LHX4: variants seen among roughly 807,000 people sequenced by gnomAD.
LHX4 encodes LIM homeobox 4, also known as LIM/homeobox protein Lhx4.
Under a neutral mutation model 39.2 loss-of-function variants are expected in LHX4, and 16 were observed. The ratio of observed to expected loss-of-function variants is 0.41; its 90% CI spans 0.28 to 0.62. The LOEUF is 0.62. LHX4 is among the 20% of genes least tolerant of loss of function. The pLI, the probability that LHX4 is intolerant of heterozygous loss-of-function variation, is 0.33. For missense variants in LHX4, 439 were observed against 511.9 expected, an observed-to-expected ratio of 0.86 and a Z score of 1.37; for synonymous variants, 206 against 198.1, an observed-to-expected ratio of 1.04 and a Z score of -0.33.
intron 2 of LHX4, among the ~76,000 whole-genome samples, chr1:180,256,359 A>G (rs990802426): frequency 5.3e-5 from 8 of 152,078 alleles, no homozygotes; most frequent in Non-Finnish European, 1.2e-4. Context: ...GCCAGTGTCT[A>G]GTTTGTCACT....
At chr1:180,233,571 C>T (rs998430335) in intron 1 of LHX4, among the ~76,000 whole-genome samples, 2 of 152,258 alleles carry the variant, frequency 1.3e-5, no homozygotes, top group African/African-American at 4.8e-5. Context: ...GCGTCGGGGC[C>T]CTGCTGGCCG....
Position 180,234,791 on chromosome 1 carries a change from C to T in LHX4, c.76+4186C>T, listed in dbSNP as rs1323640736. Among the ~76,000 whole-genome samples, 1 of 152,228 alleles carries T rather than the reference C, an allele frequency of 6.6e-6. No homozygotes were observed. On this transcript the variant is annotated intron_variant, in intron 1 of 5. Coordinates refer to ENST00000263726, the MANE Select transcript of LHX4 (RefSeq NM_033343.4). This position sits in a 1 kb window ranked among gnomAD's most constrained non-coding sequence, Gnocchi z 4.8. ...TCCTCTCTTGGCCGAGGTCCGGGCT[C>T]GTGGAAAACCAGAGCTAGGCGGGGC...
rs577959960 is a variant in LHX4, at chr1:180,235,094, C to A, written c.76+4489C>A. 3.3e-5 allele frequency among the ~76,000 whole-genome samples: 5 copies of A among 152,366 alleles called. No individual in the cohort carries two copies. In the South Asian group the frequency reaches 1.0e-3, roughly 32 times the overall value. On this transcript the variant is annotated intron_variant, in intron 1 of 5. Transcript: ENST00000263726. ...GGGCGGCCGGCCCTTCGCGGGTAGC[C>A]GGCTTTGCGCTTACTGCGTCCCGCA... is the stretch of plus-strand genomic sequence containing the variant.
At chr1:180,257,146 G>C (rs1473315881) in intron 2 of LHX4, among the ~76,000 whole-genome samples, 1 of 152,180 alleles carries the variant, frequency 6.6e-6, no homozygotes, top group African/African-American at 2.4e-5. Flanking sequence ...ATGGACGGGA[G>C]AGTTGGGCTC....
In LHX4 at chr1:180,266,690, A is replaced by G. The variant is rs1303642839; in HGVS notation, c.451+96A>G. ...CCTTCTCATGGCGTCCCACCTGCCCATCCCTCAGAGCCCTACTCATGCACC... is the reference window on the plus strand; with the variant it reads ...CCTTCTCATGGCGTCCCACCTGCCCGTCCCTCAGAGCCCTACTCATGCACC... On this transcript the variant is annotated intron_variant, in intron 3 of 5. Coordinates refer to ENST00000263726, the MANE Select transcript of LHX4 (RefSeq NM_033343.4). This position sits in a 1 kb window ranked among gnomAD's most constrained non-coding sequence, Gnocchi z 5.7. 8.3e-7 allele frequency: 1 copy of G among 1,209,176 alleles called. No homozygotes were observed. The highest frequency in any genetic ancestry group is 1.5e-5 in the African/African-American group (1 of 66,406). 74.9% of individuals were successfully genotyped at this position (1,209,176 alleles called of 1,614,324 possible). A position where few individuals can be genotyped will look rare whatever the true frequency, so the allele number is the denominator to read the frequency against.
At chr1:180,269,522 G>A (rs920226599) in intron 3 of LHX4, 1 of 152,288 alleles carries the variant, frequency 6.6e-6, no homozygotes, top group Middle Eastern at 3.4e-3. Context: ...TAGCAGTGCC[G>A]AACCAGCGGG....
chr1:180,241,873 AG>A (rs1229562532), intron 1 of LHX4, among the ~76,000 whole-genome samples: 3 of 151,912 alleles, frequency 2.0e-5, no homozygotes, highest in Non-Finnish European at 4.4e-5. Flanking sequence ...ACTGGAATGC[AG>A]TAGTGCAATC....
chr1:180,249,819 T>TC (rs1647529613), intron 2 of LHX4, among the ~76,000 whole-genome samples: 1 of 152,132 alleles, frequency 6.6e-6, no homozygotes, highest in South Asian at 2.1e-4. Context: ...GTGCAGAGGG[T>TC]GCACTCACTG....
At chr1:180,237,784 A>G (rs1351257573) in intron 1 of LHX4, among the ~76,000 whole-genome samples, 2 of 152,236 alleles carry the variant, frequency 1.3e-5, no homozygotes, top group East Asian at 1.9e-4. Context: ...ATAGCTTAAT[A>G]GAGACAAAAC....
intron 1 of LHX4, among the ~76,000 whole-genome samples, chr1:180,244,962 C>T (rs1393274870): frequency 6.6e-6 from 1 of 152,244 alleles, no homozygotes; most frequent in African/African-American, 2.4e-5. Context: ...CGGCTGTGCC[C>T]CGCTGTCGGG....
chr1:180,231,581 A>G (rs1000059069), intron 1 of LHX4, among the ~76,000 whole-genome samples: 5 of 140,174 alleles, frequency 3.6e-5, no homozygotes, highest in Non-Finnish European at 6.2e-5. Context: ...CGCGCGCGAC[A>G]AGCGCCGGGA....
At chr1:180,271,042 T>A (rs942436491) in intron 3 of LHX4, 1 of 382,792 alleles carries the variant, frequency 2.6e-6, no homozygotes, top group African/African-American at 2.1e-5. Context: ...CATGAGGATG[T>A]GTGAGCAGAG....
Position 180,278,012 on chromosome 1 carries a change from G to GTGAT in LHX4, c.*3435_*3438dup, listed in dbSNP as rs1649142810. 1 of 152,174 alleles carries GTGAT rather than the reference G, an allele frequency of 6.6e-6. No individual in the cohort carries two copies. Among genetic ancestry groups the GTGAT allele is most frequent in the Non-Finnish European group, 1.5e-5 (1 of 68,050 alleles). 9.4% of individuals were successfully genotyped at this position (152,174 alleles called of 1,614,324 possible). On this transcript the variant is annotated 3_prime_UTR_variant, in exon 6 of 6. Coordinates refer to ENST00000263726, the MANE Select transcript of LHX4 (RefSeq NM_033343.4). The stretch of plus-strand genomic sequence containing the variant: ...ATTCCTATCTCAGAAGCTCAAACTG[G>GTGAT]TGATTTCCAACTGCCTCTTTACAGG...
chr1:180,231,357 C>T (rs1292151285), intron 1 of LHX4, among the ~76,000 whole-genome samples: 2 of 151,802 alleles, frequency 1.3e-5, no homozygotes, highest in African/African-American at 4.8e-5. Flanking sequence ...TGCTAGCCTG[C>T]CCGCCCGCTT....
intron 2 of LHX4, among the ~76,000 whole-genome samples, chr1:180,249,602 TC>T (rs1306800090): frequency 6.6e-6 from 1 of 152,232 alleles, no homozygotes; most frequent in Non-Finnish European, 1.5e-5. Flanking sequence ...AGCTGTGTAT[TC>T]GGAAGATGGG....
intron 1 of LHX4, among the ~76,000 whole-genome samples, chr1:180,247,379 C>T (rs938801165): frequency 6.6e-6 from 1 of 152,162 alleles, no homozygotes; most frequent in Non-Finnish European, 1.5e-5. Flanking sequence ...CTCAGTGGAG[C>T]CAGCTGGTTG....
chr1:180,267,869 G>A (rs1157345098), intron 3 of LHX4, among the ~76,000 whole-genome samples: 1 of 152,132 alleles, frequency 6.6e-6, no homozygotes, highest in African/African-American at 2.4e-5. Flanking sequence ...GAAGCAGAGG[G>A]GATTCATAAG....
At position 180,277,122 on chromosome 1, in the gene LHX4, A is replaced by C. The variant is rs1649082446; in HGVS notation, c.*2543A>C. 6.6e-6 allele frequency: 1 copy of C among 152,174 alleles called. No individual in the cohort carries two copies. The highest frequency in any genetic ancestry group is 6.5e-5 in the Admixed American group (1 of 15,268). 9.4% of individuals were successfully genotyped at this position (152,174 alleles called of 1,614,324 possible). ...AGAGCCACCTCCCCAGAAAGCAGCAAACACTGCTGCCTGTTTAGAAGCACA... is the reference window on the plus strand; with the variant it reads ...AGAGCCACCTCCCCAGAAAGCAGCACACACTGCTGCCTGTTTAGAAGCACA... On this transcript the variant is annotated 3_prime_UTR_variant, in exon 6 of 6. Coordinates refer to ENST00000263726, the MANE Select transcript of LHX4 (RefSeq NM_033343.4).
At chr1:180,245,795 ATT>A (rs1312043278) in intron 1 of LHX4, among the ~76,000 whole-genome samples, 1 of 121,178 alleles carries the variant, frequency 8.3e-6, no homozygotes, top group African/African-American at 3.0e-5. Flanking sequence ...AGGCTAAGTC[ATT>A]TTTCCAATTT....
Sources: allele counts gnomAD v4.1 joint callset (sites outside exome capture counted in the v4.1 genomes callset), GRCh38; gene constraint gnomAD v4.1.1; non-coding constraint Gnocchi (gnomAD v3.1); transcripts MANE v1.5; gene names NCBI Gene and HGNC (gene_info 2026-07-23, HGNC 2026-07-21).